Variants in TTC7B observed in about 807,000 individuals in gnomAD.
TTC7B encodes tetratricopeptide repeat domain 7B.
In TTC7B, 28 loss-of-function variants were observed where a neutral mutation model predicts 106.8. The observed-to-expected ratio is 0.26, with a 90% CI of 0.19 to 0.36. TTC7B has a LOEUF of 0.36. Among genes scored for constraint, TTC7B ranks in the 10% least tolerant of loss-of-function variants. The pLI, the probability that TTC7B is intolerant of heterozygous loss-of-function variation, is 1.00. For synonymous variants in TTC7B, 405 were observed against 430.6 expected, an observed-to-expected ratio of 0.94 and a Z score of 0.74; for missense variants, 862 against 1,076.4, an observed-to-expected ratio of 0.80 and a Z score of 2.79.
intron 6 of TTC7B, among the ~76,000 whole-genome samples, chr14:90,695,025 G>GCCACA (rs1887658437): frequency 2.2e-4 from 7 of 31,822 alleles, no homozygotes; most frequent in South Asian, 1.1e-3. Flanking sequence ...ATAAATATAT[G>GCCACA]TATATTTTTT....
At chr14:90,760,476 A>G (rs763508646) in intron 3 of TTC7B, among the ~76,000 whole-genome samples, 1 of 152,178 alleles carries the variant, frequency 6.6e-6, no homozygotes, top group Non-Finnish European at 1.5e-5. Context: ...TCTCAACATG[A>G]TACATTTAAA....
chr14:90,806,732 C>T (rs1273526416), intron 1 of TTC7B, among the ~76,000 whole-genome samples: 1 of 151,924 alleles, frequency 6.6e-6, no homozygotes, highest in Non-Finnish European at 1.5e-5. Flanking sequence ...CATGGTGAAA[C>T]CTCATCTCTA....
chr14:90,614,458 T>A (rs1892989292), intron 16 of TTC7B, among the ~76,000 whole-genome samples: 1 of 152,228 alleles, frequency 6.6e-6, no homozygotes, highest in South Asian at 2.1e-4. Flanking sequence ...GGACTTTGAA[T>A]CACCTGGAGA....
intron 17 of TTC7B, among the ~76,000 whole-genome samples, chr14:90,601,741 T>G (rs1377792274): frequency 6.6e-6 from 1 of 152,182 alleles, no homozygotes; most frequent in Non-Finnish European, 1.5e-5. Context: ...ACCTCCACTC[T>G]TCTGGTCCTA....
chr14:90,663,000 A>C (rs2096365734), intron 9 of TTC7B, among the ~76,000 whole-genome samples: 1 of 152,222 alleles, frequency 6.6e-6, no homozygotes, highest in African/African-American at 2.4e-5. Context: ...CCTTGAGAAG[A>C]GGGCACAACT....
chr14:90,618,969 T>G (rs1040912241), intron 15 of TTC7B, among the ~76,000 whole-genome samples: 4 of 152,234 alleles, frequency 2.6e-5, no homozygotes, highest in African/African-American at 9.7e-5. Flanking sequence ...AGTGGCACGG[T>G]CTTGGCTCAC....
At chr14:90,666,433 T>C (rs965551513) in intron 9 of TTC7B, among the ~76,000 whole-genome samples, 38 of 152,184 alleles carry the variant, frequency 2.5e-4, no homozygotes, top group African/African-American at 9.2e-4. Flanking sequence ...AGTGCTGGGA[T>C]TACAGGTGTG....
chr14:90,723,276 C>T (rs560753132), intron 5 of TTC7B, among the ~76,000 whole-genome samples: 1 of 152,330 alleles, frequency 6.6e-6, no homozygotes, highest in East Asian at 1.9e-4. Flanking sequence ...TTCTAACAGA[C>T]ATCTCAAATG....
intron 19 of TTC7B, among the ~76,000 whole-genome samples, chr14:90,542,660 C>G (rs1400367297): frequency 7.7e-6 from 1 of 129,532 alleles, no homozygotes; most frequent in African/African-American, 2.9e-5. Flanking sequence ...CCCTGAAAAC[C>G]TTTGGTTAAA....
intron 1 of TTC7B, among the ~76,000 whole-genome samples, chr14:90,798,274 A>G (rs1385189514): frequency 6.6e-6 from 1 of 152,176 alleles, no homozygotes; most frequent in Non-Finnish European, 1.5e-5. Flanking sequence ...CAGGCCACTG[A>G]TGGATGAGCG....
chr14:90,658,077 G>C (rs1348369120), intron 10 of TTC7B: 2 of 546,392 alleles, frequency 3.7e-6, no homozygotes, highest in Non-Finnish European at 6.6e-6. Context: ...AAGTCACAAT[G>C]ACTGGAAAAA....
intron 9 of TTC7B, among the ~76,000 whole-genome samples, chr14:90,668,671 C>T (rs563390950): frequency 5.1e-4 from 78 of 152,040 alleles, no homozygotes; most frequent in African/African-American, 1.7e-3. Flanking sequence ...ACAGGTTCAG[C>T]GAGGTAATGG....
chr14:90,680,068 C>T (rs115881244), intron 8 of TTC7B, among the ~76,000 whole-genome samples: 524 of 152,320 alleles, frequency 3.4e-3, no homozygotes, highest in African/African-American at 0.012. Flanking sequence ...AAAATTCTCG[C>T]CCACTCCAGG....
intron 19 of TTC7B, among the ~76,000 whole-genome samples, chr14:90,560,226 G>A (rs569773382): frequency 2.0e-5 from 3 of 152,362 alleles, no homozygotes; most frequent in South Asian, 2.1e-4. Flanking sequence ...GATTTGTGGC[G>A]CCTGCCAATT....
intron 12 of TTC7B, among the ~76,000 whole-genome samples, chr14:90,653,385 A>G (rs1343873892): frequency 6.6e-6 from 1 of 152,188 alleles, no homozygotes; most frequent in Non-Finnish European, 1.5e-5. Flanking sequence ...TGCTGCCTTG[A>G]AAGGCCAGCT....
intron 4 of TTC7B, among the ~76,000 whole-genome samples, chr14:90,731,154 C>T (rs1484315943): frequency 2.0e-5 from 3 of 151,886 alleles, no homozygotes; most frequent in Admixed American, 6.6e-5. Flanking sequence ...GGTTTCACCA[C>T]GTTAGCCAGG....
At position 90,657,508 on chromosome 14, in the gene TTC7B, G is replaced by A; in HGVS notation, c.1237-230C>T. 1 of 433,148 alleles carries A rather than the reference G, an allele frequency of 2.3e-6. No homozygotes were observed. Among genetic ancestry groups the A allele is most frequent in the Admixed American group, 4.0e-5 (1 of 24,860 alleles). The allele number at this position is 433,148 out of a possible 1,614,324, so 26.8% of individuals were successfully genotyped here. ...CAGGAATGCTTCTCTGGCGCCACCTGAATTTCATTCCATACTTGTGTAGCT... is the reference window on the plus strand; with the variant it reads ...CAGGAATGCTTCTCTGGCGCCACCTAAATTTCATTCCATACTTGTGTAGCT... On this transcript the variant is annotated intron_variant, in intron 10 of 19. Coordinates refer to ENST00000328459, the MANE Select transcript of TTC7B (RefSeq NM_001010854.2). This position sits in a 1 kb window ranked among gnomAD's most constrained non-coding sequence, Gnocchi z 4.2.
intron 19 of TTC7B, among the ~76,000 whole-genome samples, chr14:90,572,128 C>T (rs1374241201): frequency 6.6e-6 from 1 of 152,164 alleles, no homozygotes; most frequent in East Asian, 1.9e-4. Context: ...CCAGGCAAGC[C>T]GAAGCTCACC....
intron 3 of TTC7B, among the ~76,000 whole-genome samples, chr14:90,762,293 A>G (rs896196439): frequency 2.6e-5 from 4 of 152,302 alleles, no homozygotes; most frequent in East Asian, 1.9e-4. Flanking sequence ...GTCTCTTCCA[A>G]TTTCCTACCA....
Sources: gnomAD v4.1 joint callset for allele counts (sites outside exome capture counted in the v4.1 genomes callset) on GRCh38, gnomAD v4.1.1 for gene constraint, Gnocchi (gnomAD v3.1) non-coding constraint, MANE v1.5 for transcripts, NCBI Gene and HGNC (gene_info 2026-07-23, HGNC 2026-07-21) for gene names.